Variants in RUVBL1 observed in about 807,000 individuals in gnomAD.
RUVBL1 encodes the protein RuvB like AAA ATPase 1, also known as ruvB-like 1.
RUVBL1 carries 4 observed loss-of-function variants against 52.4 expected under a neutral mutation model. That is an observed-to-expected ratio of 0.08 (90% CI 0.04 to 0.17). The LOEUF (loss-of-function observed/expected upper bound fraction) is 0.17, where lower values mean the gene tolerates loss of function less well. Among genes scored for constraint, RUVBL1 ranks in the 10% least tolerant of loss-of-function variants. The pLI is 1.00. For missense variants in RUVBL1, 298 were observed against 572.8 expected, an observed-to-expected ratio of 0.52 and a Z score of 4.90; for synonymous variants, 217 against 214.4, an observed-to-expected ratio of 1.01 and a Z score of -0.10.
intron 3 of RUVBL1, among the ~76,000 whole-genome samples, chr3:128,112,458 T>C (rs781755525): frequency 2.0e-5 from 3 of 152,126 alleles, no homozygotes; most frequent in African/African-American, 4.8e-5. Flanking sequence ...CACTCCTCAG[T>C]CTCCTCACTC....
At chr3:128,093,410 G>A (rs1942894751) in intron 8 of RUVBL1, among the ~76,000 whole-genome samples, 1 of 151,840 alleles carries the variant, frequency 6.6e-6, no homozygotes, top group Admixed American at 6.6e-5. Flanking sequence ...AATTGACCGT[G>A]GTGATGGTTG....
chr3:128,136,455 A>AT (rs1336686032), intron 1 of RUVBL1, among the ~76,000 whole-genome samples: 1 of 151,904 alleles, frequency 6.6e-6, no homozygotes, highest in Non-Finnish European at 1.5e-5. Context: ...GTGAAACCCC[A>AT]TCTCTACAAA....
intron 6 of RUVBL1, among the ~76,000 whole-genome samples, chr3:128,099,735 A>C (rs943541548): frequency 1.3e-5 from 2 of 152,246 alleles, no homozygotes; most frequent in East Asian, 3.8e-4. Context: ...TAAAGGCAGC[A>C]AATGTTTCCT....
At chr3:128,066,825 G>A in intron 9 of RUVBL1, 2 of 803,588 alleles carry the variant, frequency 2.5e-6, no homozygotes, top group Non-Finnish European at 4.0e-6. Context: ...TCGGAACTGG[G>A]AGCCCCAGAA....
At chr3:128,075,958 C>G (rs1205331807), downstream of RUVBL1, 1 of 152,486 alleles carries the variant, frequency 6.6e-6, no homozygotes, top group Non-Finnish European at 1.5e-5. Flanking sequence ...CTTGGCAGTT[C>G]GGACTTCGGG....
At chr3:128,123,558 C>T in intron 1 of RUVBL1, 26 bp downstream of exon 1, 1 of 1,571,456 alleles carries the variant, frequency 6.4e-7, no homozygotes, top group South Asian at 1.1e-5. Context: ...CTTGCAGCCC[C>T]CAACTCCCTG....
chr3:128,065,131 T>C, exon 10 of RUVBL1: 1 of 1,297,208 alleles, frequency 7.7e-7, no homozygotes, highest in Non-Finnish European at 1.1e-6. Flanking sequence ...GGGTGCACTG[T>C]CATCATATTG....
chr3:128,065,501 T>A (rs1941940956), intron 9 of RUVBL1, among the ~76,000 whole-genome samples: 1 of 152,198 alleles, frequency 6.6e-6, no homozygotes, highest in African/African-American at 2.4e-5. Context: ...TGAACTGCTA[T>A]TGTTTTCCTG....
At chr3:128,073,887 G>C (rs1942238221) in intron 9 of RUVBL1, among the ~76,000 whole-genome samples, 1 of 152,214 alleles carries the variant, frequency 6.6e-6, no homozygotes, top group Non-Finnish European at 1.5e-5. Flanking sequence ...CCTCCCTGTG[G>C]AAAGGAACTA....
At chr3:128,087,883 C>A in intron 8 of RUVBL1, 75 bp from the exon 9 acceptor site, 1 of 1,027,614 alleles carries the variant, frequency 9.7e-7, no homozygotes, top group Non-Finnish European at 1.5e-6. Context: ...ACAGATCCAA[C>A]ACTCACACCA....
rs145808356 is a variant in RUVBL1 at position 128,088,533 on chromosome 3, T to C, written c.1017-725A>G. ...TATAGTGTATACTAATTATACTCTA[T>C]AGTATAATTTTACAAATTATACTAA... On this transcript the variant is annotated intron_variant, in intron 8 of 10. Coordinates refer to ENST00000322623, the MANE Select transcript of RUVBL1 (RefSeq NM_003707.3). Among the ~76,000 whole-genome samples, 33 of 150,372 alleles carry C rather than the reference T, an allele frequency of 2.2e-4. No homozygotes were observed. In the East Asian group the frequency reaches 6.2e-3, roughly 28 times the overall value.
chr3:128,080,540 T>C (rs1275946613), downstream of RUVBL1, among the ~76,000 whole-genome samples: 1 of 152,212 alleles, frequency 6.6e-6, no homozygotes, highest in East Asian at 1.9e-4. Flanking sequence ...TGATACGATG[T>C]GATCAGAACC....
chr3:128,077,568 C>T (rs1466390520), downstream of RUVBL1, among the ~76,000 whole-genome samples: 1 of 152,210 alleles, frequency 6.6e-6, no homozygotes, highest in African/African-American at 2.4e-5. Flanking sequence ...GTGGTCATTT[C>T]GCCCCCTCTG....
downstream of RUVBL1, among the ~76,000 whole-genome samples, chr3:128,080,146 TAGGGACACTTCAG>T (rs369059407): frequency 9.7e-4 from 148 of 152,216 alleles, 1 homozygote; most frequent in African/African-American, 3.3e-3. Flanking sequence ...GCCAGAGAGA[TAGGGACACTTCAG>T]AGGGACACTT....
intron 1 of RUVBL1, among the ~76,000 whole-genome samples, chr3:128,141,141 T>C (rs1180675534): frequency 6.6e-6 from 1 of 152,214 alleles, no homozygotes; most frequent in Non-Finnish European, 1.5e-5. Context: ...AGAAAAATGG[T>C]AATTAAGTCA....
chr3:128,120,585 C>A (rs1433418494), intron 1 of RUVBL1, among the ~76,000 whole-genome samples: 1 of 152,166 alleles, frequency 6.6e-6, no homozygotes, highest in Non-Finnish European at 1.5e-5. Flanking sequence ...GTTTGCTACA[C>A]TGATTTAATA....
intron 5 of RUVBL1, 48 bp from the exon 6 acceptor site, chr3:128,100,792 G>C: frequency 6.2e-7 from 1 of 1,610,264 alleles, no homozygotes. Flanking sequence ...TCACTGCCAA[G>C]TCCCCAAATG....
chr3:128,125,784 T>C (rs1943779891), upstream of RUVBL1, among the ~76,000 whole-genome samples: 1 of 152,216 alleles, frequency 6.6e-6, no homozygotes, highest in African/African-American at 2.4e-5. Flanking sequence ...CAAAGTTGCT[T>C]AGCCCCTCAT....
rs566226179 is a variant in RUVBL1 at position 128,081,093 on chromosome 3, A to G, written c.*157T>C. 276 of 650,442 alleles carry G rather than the reference A, an allele frequency of 4.2e-4. 1 individual carries two copies. Among genetic ancestry groups the G allele is most frequent in the Non-Finnish European group, 2.4e-4 (94 of 396,622 alleles). The allele number at this position is 650,442 out of a possible 1,614,324, so 40.3% of individuals were successfully genotyped here. A position where few individuals can be genotyped will look rare whatever the true frequency, so the allele number is the denominator to read the frequency against. Reference sequence around the variant, plus strand: ...CAAAGCAACCACAGGAACAGTTACGATAACTTAAAAAGAAATGCTTTCCAC... The same window carrying G: ...CAAAGCAACCACAGGAACAGTTACGGTAACTTAAAAAGAAATGCTTTCCAC... On this transcript the variant is annotated 3_prime_UTR_variant, in exon 11 of 11. Coordinates refer to ENST00000322623, the MANE Select transcript of RUVBL1 (RefSeq NM_003707.3). This position sits in a 1 kb window ranked among gnomAD's most constrained non-coding sequence, Gnocchi z 4.8.
Sources: allele counts gnomAD v4.1 joint callset (sites outside exome capture counted in the v4.1 genomes callset), GRCh38; gene constraint gnomAD v4.1.1; non-coding constraint Gnocchi (gnomAD v3.1); transcripts MANE v1.5; gene names NCBI Gene and HGNC (gene_info 2026-07-23, HGNC 2026-07-21).